The following ATG101 variants were observed in gnomAD, a reference collection of about 807,000 sequenced individuals.
The protein encoded by ATG101 is autophagy related 101.
A neutral mutation model predicts 16.7 loss-of-function variants in ATG101; 6 were observed. That is an observed-to-expected ratio of 0.36 (90% CI 0.20 to 0.71). The LOEUF (loss-of-function observed/expected upper bound fraction) is 0.71, where lower values mean the gene tolerates loss of function less well. ATG101 is among the 30% of genes least tolerant of loss of function. The probability of loss-of-function intolerance (pLI) is 0.57; values close to 1 mark genes in which losing one functional copy is unlikely to be tolerated. For missense variants in ATG101, 200 were observed against 292.5 expected (o/e 0.68, Z 2.31); for synonymous variants, 108 against 118.1 (o/e 0.91, Z 0.56).
chr12:52,070,643 C>T (rs1256191877), intron 2 of ATG101, 160 bp downstream of exon 2: 1 of 152,390 alleles, frequency 6.6e-6, no homozygotes, highest in African/African-American at 2.4e-5. Flanking sequence ...ACAAGGTTTT[C>T]ACAGACCAAA....
rs1293523302 is a variant in ATG101, at chr12:52,076,866, A to G, written c.333A>G (p.Pro111=). 1.2e-6 allele frequency: 2 copies of G among 1,614,186 alleles called. No homozygotes were observed. Among genetic ancestry groups the G allele is most frequent in the Non-Finnish European group, 1.7e-6 (2 of 1,180,030 alleles). ...EFYQKKKSRW[P]FSDECIPWEV... is the part of the protein sequence containing the mutation. ...ACCAGAAGAAGAAGTCTCGCTGGCC[A>G]TTCTCAGACGAGTGCATCCCATGGG... Residue 111 remains proline, a synonymous_variant, in exon 4 of 4, where the codon CCA becomes CCG. Coordinates refer to ENST00000336854, the MANE Select transcript of ATG101 (RefSeq NM_021934.5).
rs112776317 is a variant in ATG101, at chr12:52,076,691, G to A, written c.253-95G>A. ...TTGCCATGCTTGGATGATGACTAGAGCTAAGAGAGCATAATTCCCTGGGGT... is the reference window on the plus strand; with the variant it reads ...TTGCCATGCTTGGATGATGACTAGAACTAAGAGAGCATAATTCCCTGGGGT... On this transcript the variant is annotated intron_variant, in intron 3 of 3. Transcript: ENST00000336854. 0.012 allele frequency: 16,496 copies of A among 1,415,106 alleles called. 1,508 individuals are homozygous for A. In the African/African-American group the frequency reaches 0.2, roughly 17 times the overall value. 87.7% of individuals were successfully genotyped at this position (1,415,106 alleles called of 1,614,324 possible).
At chr12:52,069,716 G>A (rs1029199887), upstream of ATG101, 2 of 152,224 alleles carry the variant, frequency 1.3e-5, no homozygotes, top group Non-Finnish European at 2.9e-5. Context: ...AAACACCACA[G>A]CGTTCTCGGT....
chr12:52,071,058 C>G (rs1006081177), intron 2 of ATG101: 11 of 152,354 alleles, frequency 7.2e-5, no homozygotes, highest in African/African-American at 2.4e-4. Context: ...AATATAGTCT[C>G]TGCCCTATAA....
intron 3 of ATG101, 58 bp downstream of exon 3, chr12:52,073,960 T>C (rs1286613096): frequency 6.3e-7 from 1 of 1,591,268 alleles, no homozygotes; most frequent in African/African-American, 1.3e-5. Flanking sequence ...CAGGGGGGCC[T>C]CGAGTGCTCC....
At chr12:52,073,953 G>A in intron 3 of ATG101, 51 bp downstream of exon 3, 1 of 1,589,478 alleles carries the variant, frequency 6.3e-7, no homozygotes, top group Non-Finnish European at 8.6e-7. Flanking sequence ...CAGATGGCAG[G>A]GGGGCCTCGA....
rs1939617215 is a variant in ATG101 at position 52,070,089 on chromosome 12, C to T, written c.-360C>T. The T allele has an allele frequency of 2.0e-5, 3 of 152,324 alleles. No homozygotes were observed. Among genetic ancestry groups the T allele is most frequent in the African/African-American group, 7.2e-5 (3 of 41,448 alleles). 9.4% of individuals were successfully genotyped at this position (152,324 alleles called of 1,614,324 possible). ...TGGGGGAGGTGGGAGCTGTTTTAAC[C>T]GTGTGCCCCCTCTCCTGTGCCGGCG... On this transcript the variant is annotated 5_prime_UTR_variant, in exon 1 of 4. Transcript: ENST00000336854.
intron 3 of ATG101, among the ~76,000 whole-genome samples, chr12:52,074,597 C>G (rs1939704329): frequency 6.6e-6 from 1 of 151,660 alleles, no homozygotes; most frequent in African/African-American, 2.4e-5. Context: ...AGCAGTCCTT[C>G]CACTGCAGCC....
upstream of ATG101, chr12:52,069,711 C>T (rs530719273): frequency 9.2e-5 from 14 of 152,266 alleles, no homozygotes; most frequent in Admixed American, 2.0e-4. Context: ...GGCCGAAACA[C>T]CACAGCGTTC....
intron 3 of ATG101, among the ~76,000 whole-genome samples, chr12:52,074,698 C>T (rs551165879): frequency 7.9e-5 from 12 of 152,190 alleles, no homozygotes; most frequent in African/African-American, 2.9e-4. Context: ...GTGGCTCATG[C>T]CTGTTGTCTC....
chr12:52,067,620 G>A (rs1024498487), upstream of ATG101, among the ~76,000 whole-genome samples: 5 of 150,434 alleles, frequency 3.3e-5, no homozygotes, highest in African/African-American at 9.8e-5. Flanking sequence ...ACGGAGTCTC[G>A]CTCTTTCACC....
In ATG101 at chr12:52,076,942, C is replaced by T. The variant is rs376747724; in HGVS notation, c.409C>T (p.Arg137Trp). Reference sequence around the variant, plus strand: ...GGTAGCCCTGGCCACGGAGCAGGAGCGGCAGATCTGCCGGGAGAAGGTGGG... The same window carrying T: ...GGTAGCCCTGGCCACGGAGCAGGAGTGGCAGATCTGCCGGGAGAAGGTGGG... ...HVVALATEQE[R>W]QICREKVGEK... is the part of the protein sequence containing the mutation. The change falls in exon 4 of 4, where the codon CGG becomes TGG. Residue 137 changes from arginine to tryptophan, a missense_variant. Arg to Trp is a moderately radical substitution (Grantham distance 101). Coordinates refer to ENST00000336854, the MANE Select transcript of ATG101 (RefSeq NM_021934.5). The T allele has an allele frequency of 3.1e-6, 5 of 1,614,124 alleles. No individual in the cohort carries two copies. Among genetic ancestry groups the T allele is most frequent in the Admixed American group, 1.7e-5 (1 of 60,018 alleles).
At chr12:52,075,683 AC>A (rs1439003964) in intron 3 of ATG101, among the ~76,000 whole-genome samples, 3 of 152,142 alleles carry the variant, frequency 2.0e-5, no homozygotes, top group African/African-American at 7.2e-5. Context: ...GGCCACTCAC[AC>A]CCATGGGGTG....
chr12:52,075,686 C>A (rs890687133), intron 3 of ATG101, among the ~76,000 whole-genome samples: 1 of 152,220 alleles, frequency 6.6e-6, no homozygotes, highest in Non-Finnish European at 1.5e-5. Flanking sequence ...CACTCACACC[C>A]ATGGGGTGGC....
In ATG101 at chr12:52,073,846, C is replaced by T. The variant is rs1310092697; in HGVS notation, c.196C>T (p.Arg66Cys). ...DCDFIDFTYV[R>C]VSSEELDRAL... is the part of the protein sequence containing the mutation. ...TGACTTCATCGACTTCACTTATGTG[C>T]GTGTCTCTTCTGAGGAACTGGATCG... Residue 66 changes from arginine (R) to cysteine (C), a missense_variant, in exon 3 of 4, where the codon CGT (arginine) becomes TGT (cysteine). Coordinates refer to ENST00000336854, the MANE Select transcript of ATG101 (RefSeq NM_021934.5). 6.2e-7 allele frequency: 1 copy of T among 1,614,172 alleles called. No homozygotes were observed. Among genetic ancestry groups the T allele is most frequent in the African/African-American group, 1.3e-5 (1 of 75,018 alleles).
intron 3 of ATG101, among the ~76,000 whole-genome samples, chr12:52,074,238 TGCTTCC>T (rs1939698956): frequency 1.3e-5 from 2 of 152,258 alleles, no homozygotes; most frequent in African/African-American, 4.8e-5. Flanking sequence ...TCTCTGCTTC[TGCTTCC>T]ACTTTTCCTT....
chr12:52,067,044 C>T (rs1362119554), upstream of ATG101, among the ~76,000 whole-genome samples: 1 of 152,176 alleles, frequency 6.6e-6, no homozygotes, highest in African/African-American at 2.4e-5. Flanking sequence ...GAGAGGCACC[C>T]ACACCTGGGA....
At chr12:52,076,412 T>G (rs558400409) in intron 3 of ATG101, among the ~76,000 whole-genome samples, 62 of 152,326 alleles carry the variant, frequency 4.1e-4, no homozygotes, top group South Asian at 8.3e-4. Flanking sequence ...CTTACTTCTC[T>G]AAGCCTCATC....
intron 3 of ATG101, among the ~76,000 whole-genome samples, chr12:52,076,509 G>A (rs1196306735): frequency 1.3e-5 from 2 of 152,220 alleles, no homozygotes; most frequent in Middle Eastern, 6.3e-3. Flanking sequence ...CGTGCCTGCA[G>A]ACCAGTAGTT....
Sources: gnomAD v4.1 joint callset for allele counts (sites outside exome capture counted in the v4.1 genomes callset) on GRCh38, gnomAD v4.1.1 for gene constraint, MANE v1.5 for transcripts, NCBI Gene and HGNC (gene_info 2026-07-23, HGNC 2026-07-21) for gene names.